RBFOX1: variants seen among roughly 807,000 people sequenced by gnomAD.
The protein encoded by RBFOX1 is RNA binding protein fox-1 homolog 1.
Under a neutral mutation model 57.7 loss-of-function variants are expected in RBFOX1, and 8 were observed. The observed-to-expected ratio is 0.14, with a 90% CI of 0.08 to 0.25. The LOEUF (loss-of-function observed/expected upper bound fraction) is 0.25. RBFOX1 is among the 10% of genes least tolerant of loss of function. RBFOX1 has a pLI of 1.00. For missense variants in RBFOX1, 611 were observed against 548.5 expected (o/e 1.11, Z -1.14); for synonymous variants, 326 against 222.4 (o/e 1.47, Z -4.15).
intron 1 of RBFOX1, among the ~76,000 whole-genome samples, chr16:6,061,830 TC>T (rs2095690079): frequency 6.6e-6 from 1 of 152,134 alleles, no homozygotes; most frequent in African/African-American, 2.4e-5. Flanking sequence ...CAATGGGGTG[TC>T]CTATAATTCA....
At chr16:6,843,913 A>G (rs993636561) in intron 3 of RBFOX1, among the ~76,000 whole-genome samples, 3 of 151,424 alleles carry the variant, frequency 2.0e-5, no homozygotes, top group Non-Finnish European at 4.4e-5. Flanking sequence ...TATGGGGGGG[A>G]AATTACCAGA....
At chr16:5,751,344 C>T (rs932937009) in intron 3 of RBFOX1, among the ~76,000 whole-genome samples, 2 of 145,750 alleles carry the variant, frequency 1.4e-5, no homozygotes, top group East Asian at 1.9e-4. Flanking sequence ...TTGTGCATCC[C>T]TTATCTTTCT....
chr16:6,823,518 A>G (rs1344817849), intron 3 of RBFOX1, among the ~76,000 whole-genome samples: 4 of 145,300 alleles, frequency 2.8e-5, no homozygotes, highest in African/African-American at 1.1e-4. Context: ...CAGTCTCCCA[A>G]AGTGCTGGTA....
At chr16:6,198,181 G>A (rs934690471) in intron 1 of RBFOX1, among the ~76,000 whole-genome samples, 1 of 152,168 alleles carries the variant, frequency 6.6e-6, no homozygotes, top group Non-Finnish European at 1.5e-5. Flanking sequence ...ACTTATAAGT[G>A]AAAACACAAG....
At chr16:7,447,989 G>A (rs927321829) in intron 4 of RBFOX1, among the ~76,000 whole-genome samples, 1 of 152,284 alleles carries the variant, frequency 6.6e-6, no homozygotes, top group South Asian at 2.1e-4. Flanking sequence ...TTGGGATGTA[G>A]GGATTTCCAC....
At chr16:6,413,343 G>A (rs1314344678) in intron 2 of RBFOX1, among the ~76,000 whole-genome samples, 4 of 146,288 alleles carry the variant, frequency 2.7e-5, no homozygotes, top group Non-Finnish European at 6.0e-5. Context: ...AAAAAAAATT[G>A]TAGAGATAGG....
rs373231280 is a variant in RBFOX1, at chr16:5,282,278, A to T, written c.219+42173A>T. 8.1e-4 allele frequency among the ~76,000 whole-genome samples: 123 copies of T among 152,302 alleles called. 2 individuals carry two copies. In the East Asian group the frequency reaches 0.022, roughly 27 times the overall value. On this transcript the variant is annotated intron_variant, in intron 1 of 2. Coordinates refer to the RBFOX1 transcript ENST00000585867. ...AGAACTGTAAGTCCATTAAACCTTT[A>T]TCTTTTGTAAATTTCCCAGTCTTGA... is the stretch of plus-strand genomic sequence containing the variant.
intron 3 of RBFOX1, among the ~76,000 whole-genome samples, chr16:6,659,903 G>T (rs1204050136): frequency 6.6e-6 from 1 of 152,138 alleles, no homozygotes; most frequent in African/African-American, 2.4e-5. Flanking sequence ...AATTTCAGCA[G>T]AGTAGATACA....
At chr16:7,242,737 C>T (rs2152978352) in intron 4 of RBFOX1, among the ~76,000 whole-genome samples, 1 of 152,318 alleles carries the variant, frequency 6.6e-6, no homozygotes, top group South Asian at 2.1e-4. Context: ...TGGCCACGTG[C>T]ATGATGGGTT....
intron 2 of RBFOX1, chr16:6,483,235 G>C (rs912146763): frequency 8.1e-7 from 1 of 1,232,254 alleles, no homozygotes; most frequent in Non-Finnish European, 1.0e-6. Context: ...GGGCCCTGGC[G>C]CCGCCGTGGC....
chr16:6,624,326 A>G (rs1363897264), intron 2 of RBFOX1, among the ~76,000 whole-genome samples: 2 of 152,056 alleles, frequency 1.3e-5, no homozygotes, highest in African/African-American at 4.8e-5. Flanking sequence ...AAAAGAAAAA[A>G]CTGTCCCTTG....
intron 1 of RBFOX1, among the ~76,000 whole-genome samples, chr16:5,282,407 C>A (rs992814972): frequency 6.6e-6 from 1 of 152,110 alleles, no homozygotes; most frequent in African/African-American, 2.4e-5. Flanking sequence ...GACTTTGGAA[C>A]TGGGAAACAG....
At chr16:7,567,180 T>TATATATATATCCATATATATATCCCTAC (rs2091919133) in intron 5 of RBFOX1, among the ~76,000 whole-genome samples, 1 of 145,168 alleles carries the variant, frequency 6.9e-6, no homozygotes, top group Non-Finnish European at 1.5e-5. Flanking sequence ...TATATCCCTA[T>TATATATATATCCATATATATATCCCTAC]ATAAATATCC....
chr16:6,978,698 T>C (rs58292937), intron 3 of RBFOX1, among the ~76,000 whole-genome samples: 5,408 of 152,298 alleles, frequency 0.036, 346 homozygotes, highest in African/African-American at 0.12. Flanking sequence ...GTTTTGCCAA[T>C]GTAATCAGGA....
chr16:6,510,476 G>T (rs925351865), intron 2 of RBFOX1, among the ~76,000 whole-genome samples: 4 of 152,162 alleles, frequency 2.6e-5, no homozygotes, highest in Non-Finnish European at 5.9e-5. Context: ...GGTCACAGAG[G>T]AGACCAGGTG....
intron 2 of RBFOX1, among the ~76,000 whole-genome samples, chr16:6,567,393 G>C (rs765268482): frequency 2.6e-5 from 4 of 152,162 alleles, no homozygotes; most frequent in Non-Finnish European, 5.9e-5. Context: ...GGTTCGTTTG[G>C]TCTTTCTGTC....
chr16:5,780,359 C>T (rs557586121), intron 3 of RBFOX1, among the ~76,000 whole-genome samples: 1 of 152,172 alleles, frequency 6.6e-6, no homozygotes, highest in Admixed American at 6.5e-5. Context: ...CTTCTGGGTA[C>T]AGGAAAGGAT....
At chr16:5,446,817 G>C (rs1400777521) in intron 1 of RBFOX1, among the ~76,000 whole-genome samples, 1 of 152,148 alleles carries the variant, frequency 6.6e-6, no homozygotes, top group Non-Finnish European at 1.5e-5. Flanking sequence ...CCACGTGGCA[G>C]AGGGCACTGT....
rs543204439 is a variant in RBFOX1 at position 7,305,188 on chromosome 16, C to T, written c.28-212959C>T. 3.3e-5 allele frequency among the ~76,000 whole-genome samples: 5 copies of T among 151,768 alleles called. No homozygotes were observed. The East Asian group carries it at 9.7e-4, about 29-fold the overall frequency. On this transcript the variant is annotated intron_variant, in intron 4 of 15. Coordinates refer to ENST00000550418, the MANE Select transcript of RBFOX1 (RefSeq NM_018723.4). ...TCCTTAGTGGTCTTGCTGAGGGAGT[C>T]TGTGTTTGCTTTATTTTCCATTCAT...
Sources: allele counts gnomAD v4.1 joint callset (sites outside exome capture counted in the v4.1 genomes callset), GRCh38; gene constraint gnomAD v4.1.1; transcripts MANE v1.5; gene names NCBI Gene and HGNC (gene_info 2026-07-23, HGNC 2026-07-21).